STAC: variants seen among roughly 807,000 people sequenced by gnomAD.
STAC encodes SH3 and cysteine rich domain, also known as SH3 and cysteine-rich domain-containing protein.
In STAC, 43 loss-of-function variants were observed where a neutral mutation model predicts 48.8. The observed-to-expected ratio is 0.88, with a 90% CI of 0.69 to 1.14. The LOEUF (loss-of-function observed/expected upper bound fraction) is 1.14. Among genes scored for constraint, STAC ranks in the 50% most tolerant of loss-of-function variants. The pLI, the probability that STAC is intolerant of heterozygous loss-of-function variation, is 0.00. For synonymous variants in STAC, 193 were observed against 179.5 expected (o/e 1.07, Z -0.60); for missense variants, 497 against 504.0 (o/e 0.99, Z 0.13).
chr3:36,527,660 G>C (rs79722866), intron 8 of STAC, among the ~76,000 whole-genome samples: 5,592 of 152,190 alleles, frequency 0.037, 220 homozygotes, highest in African/African-American at 0.094. Context: ...AAAGAAGAGA[G>C]AACATCATAG....
chr3:36,395,884 A>G (rs1245846084), intron 1 of STAC, among the ~76,000 whole-genome samples: 4 of 152,134 alleles, frequency 2.6e-5, no homozygotes, highest in Non-Finnish European at 4.4e-5. Context: ...TCATCCAACA[A>G]GAAAACACAT....
intron 2 of STAC, among the ~76,000 whole-genome samples, chr3:36,480,399 T>C (rs2125697740): frequency 6.6e-6 from 1 of 152,330 alleles, no homozygotes; most frequent in Non-Finnish European, 1.5e-5. Context: ...ACACACATCA[T>C]GTTAAATGAT....
intron 10 of STAC, among the ~76,000 whole-genome samples, chr3:36,534,018 TA>T (rs1311916858): frequency 6.6e-6 from 1 of 152,228 alleles, no homozygotes; most frequent in African/African-American, 2.4e-5. Context: ...AAAATGCTTT[TA>T]AAAATCAATT....
At chr3:36,504,208 T>C (rs1315879039) in intron 6 of STAC, among the ~76,000 whole-genome samples, 185 bp from the exon 7 acceptor site, 1 of 152,106 alleles carries the variant, frequency 6.6e-6, no homozygotes, top group Non-Finnish European at 1.5e-5. Flanking sequence ...GAATGCTGCA[T>C]GGGGAGGCAG....
At chr3:36,509,008 G>A (rs1698471826) in intron 8 of STAC, among the ~76,000 whole-genome samples, 1 of 152,118 alleles carries the variant, frequency 6.6e-6, no homozygotes, top group Non-Finnish European at 1.5e-5. Flanking sequence ...TTTCTTCATG[G>A]TGTCAATGGT....
chr3:36,465,196 A>C (rs1432051951), intron 2 of STAC, among the ~76,000 whole-genome samples: 1 of 152,042 alleles, frequency 6.6e-6, no homozygotes, highest in Admixed American at 6.5e-5. Context: ...TTTGATTTGC[A>C]TTTCCCTGAT....
intron 2 of STAC, among the ~76,000 whole-genome samples, chr3:36,453,377 C>T (rs1442030975): frequency 2.6e-5 from 4 of 152,144 alleles, no homozygotes; most frequent in African/African-American, 7.2e-5. Flanking sequence ...GGGCTGCGCG[C>T]GGTGCTTGCG....
At chr3:36,506,562 A>G (rs987090922) in intron 8 of STAC, among the ~76,000 whole-genome samples, 13 of 152,214 alleles carry the variant, frequency 8.5e-5, no homozygotes, top group African/African-American at 3.1e-4. Flanking sequence ...ATCCATGAGC[A>G]TGGAATGTTC....
chr3:36,435,412 C>T (rs1461157880), intron 1 of STAC, among the ~76,000 whole-genome samples: 1 of 152,122 alleles, frequency 6.6e-6, no homozygotes, highest in African/African-American at 2.4e-5. Flanking sequence ...AAAGGCAACC[C>T]TTCTTCTCAA....
intron 2 of STAC, among the ~76,000 whole-genome samples, chr3:36,453,719 C>T (rs1696762585): frequency 8.7e-6 from 1 of 115,260 alleles, no homozygotes; most frequent in African/African-American, 3.1e-5. Context: ...GGCAGCTCCA[C>T]CTGCAGCCCC....
At chr3:36,430,808 C>T (rs73063810) in intron 1 of STAC, among the ~76,000 whole-genome samples, 3,533 of 152,234 alleles carry the variant, frequency 0.023, 58 homozygotes, top group East Asian at 0.026. Context: ...CTCACTGTGT[C>T]CTCACATGAT....
At chr3:36,545,595 C>T (rs1699426648) in intron 10 of STAC, among the ~76,000 whole-genome samples, 1 of 152,230 alleles carries the variant, frequency 6.6e-6, no homozygotes, top group Admixed American at 6.5e-5. Flanking sequence ...CCTTCAGTGG[C>T]CAATGAGTGG....
intron 1 of STAC, among the ~76,000 whole-genome samples, chr3:36,381,703 C>T (rs1488825199): frequency 6.6e-6 from 1 of 152,150 alleles, no homozygotes; most frequent in Non-Finnish European, 1.5e-5. Context: ...GCGATCCTGT[C>T]TCTCTTCACA....
rs1309032170 is a variant in STAC at position 36,499,505 on chromosome 3, G to A, written c.767-4888G>A. Among the ~76,000 whole-genome samples, 3 of 151,404 alleles carry A rather than the reference G, an allele frequency of 2.0e-5. No homozygotes were observed. The South Asian group carries it at 6.2e-4, about 31-fold the overall frequency. ...AGGGAACCAAACTGAAAGATGAGAAGGAGAAAAAAATCAATCAATTCAAAA... is the reference window on the plus strand; with the variant it reads ...AGGGAACCAAACTGAAAGATGAGAAAGAGAAAAAAATCAATCAATTCAAAA... On this transcript the variant is annotated intron_variant, in intron 6 of 10. Coordinates refer to ENST00000273183, the MANE Select transcript of STAC (RefSeq NM_003149.3).
At chr3:36,448,935 A>G (rs1696602980) in intron 2 of STAC, among the ~76,000 whole-genome samples, 1 of 151,212 alleles carries the variant, frequency 6.6e-6, no homozygotes, top group Non-Finnish European at 1.5e-5. Context: ...GTCTCTAAAA[A>G]AAAAATAAAA....
intron 2 of STAC, among the ~76,000 whole-genome samples, chr3:36,481,373 T>A (rs556831831): frequency 5.3e-5 from 8 of 152,276 alleles, no homozygotes; most frequent in African/African-American, 1.9e-4. Context: ...ATTACATTTT[T>A]AAAACATTAC....
At chr3:36,400,238 G>A (rs775834688) in intron 1 of STAC, among the ~76,000 whole-genome samples, 1 of 152,286 alleles carries the variant, frequency 6.6e-6, no homozygotes, top group East Asian at 1.9e-4. Flanking sequence ...GAGATAAATG[G>A]ATAGATACAG....
intron 8 of STAC, among the ~76,000 whole-genome samples, chr3:36,527,027 TA>T (rs367779191): frequency 1.6e-3 from 249 of 152,216 alleles, no homozygotes; most frequent in African/African-American, 5.6e-3. Flanking sequence ...GCTGCTCCCT[TA>T]AACAGAGCCT....
chr3:36,506,144 TG>T (rs1273191220), intron 8 of STAC: 3 of 198,532 alleles, frequency 1.5e-5, no homozygotes, highest in African/African-American at 7.0e-5. Flanking sequence ...GAACTGCTAA[TG>T]GGAGTTTTCA....
Sources: gnomAD v4.1 joint callset for allele counts (sites outside exome capture counted in the v4.1 genomes callset) on GRCh38, gnomAD v4.1.1 for gene constraint, MANE v1.5 for transcripts, NCBI Gene and HGNC (gene_info 2026-07-23, HGNC 2026-07-21) for gene names.